ACTN1: variants seen among roughly 807,000 people sequenced by gnomAD.
The protein encoded by ACTN1 is actinin alpha 1.
A neutral mutation model predicts 119.6 loss-of-function variants in ACTN1; 30 were observed. That is an observed-to-expected ratio of 0.25 (90% CI 0.19 to 0.34). The LOEUF (loss-of-function observed/expected upper bound fraction) is 0.34. ACTN1 is among the 10% of genes least tolerant of loss of function. ACTN1 has a pLI of 1.00. For missense variants in ACTN1, 764 were observed against 1,223.4 expected (o/e 0.62, Z 5.60); for synonymous variants, 429 against 472.6 (o/e 0.91, Z 1.20).
intron 8 of ACTN1, among the ~76,000 whole-genome samples, chr14:68,898,170 C>T (rs1271680343): frequency 1.3e-5 from 2 of 152,182 alleles, no homozygotes; most frequent in Non-Finnish European, 2.9e-5. Context: ...TCTCTCAGAT[C>T]GAGTCCAAGC....
chr14:68,936,555 G>A, intron 1 of ACTN1: 2 of 460,550 alleles, frequency 4.3e-6, no homozygotes, highest in Non-Finnish European at 8.3e-6. Flanking sequence ...GGGGGTGGCG[G>A]GAGGAACTGT....
intron 1 of ACTN1, among the ~76,000 whole-genome samples, chr14:68,927,306 C>T (rs1017246953): frequency 4.6e-5 from 7 of 152,204 alleles, no homozygotes; most frequent in African/African-American, 9.7e-5. Flanking sequence ...CCATAGCACC[C>T]TGCATTCACC....
intron 1 of ACTN1, among the ~76,000 whole-genome samples, chr14:68,946,554 TGAG>T (rs1372318816): frequency 1.3e-5 from 2 of 152,186 alleles, no homozygotes; most frequent in Non-Finnish European, 2.9e-5. Flanking sequence ...CCAGCAGCCC[TGAG>T]GAGGAGTCCC....
intron 1 of ACTN1, among the ~76,000 whole-genome samples, chr14:68,944,761 G>A (rs995773216): frequency 3.3e-5 from 5 of 152,136 alleles, no homozygotes; most frequent in African/African-American, 1.2e-4. Flanking sequence ...ATGTGAAGGG[G>A]GCCCACATAA....
intron 1 of ACTN1, among the ~76,000 whole-genome samples, chr14:68,953,015 G>A (rs1049921818): frequency 1.3e-5 from 2 of 152,124 alleles, no homozygotes; most frequent in Admixed American, 1.3e-4. Context: ...CCATCCCTAG[G>A]GGCATCTGCC....
Position 68,878,681 on chromosome 14 carries a change from C to A in ACTN1, c.2362-158G>T, listed in dbSNP as rs762451916. 1.9e-6 allele frequency: 3 copies of A among 1,540,022 alleles called. No homozygotes were observed. Among genetic ancestry groups the A allele is most frequent in the African/African-American group, 1.4e-5 (1 of 73,112 alleles). ...AGGTAAAGGAACATAGGAGAAGATG[C>A]GAACACACATCGGTGGAAATGTCCA... On this transcript the variant is annotated intron_variant, in intron 19 of 21. Coordinates refer to ENST00000394419, the MANE Select transcript of ACTN1 (RefSeq NM_001130004.2). This position sits in a 1 kb window ranked among gnomAD's most constrained non-coding sequence, Gnocchi z 4.4.
In ACTN1 at chr14:68,892,179, C is replaced by G. The variant is rs2032542431; in HGVS notation, c.960G>C (p.Arg320=). ...QQKLEDFRDY[R]RLHKPPKVQE... The stretch of plus-strand genomic sequence containing the variant: ...GCACCTTGGGCGGCTTGTGCAGGCG[C>G]CGGTAGTCCCGGAAGTCCTCCAGCT... Residue 320 remains arginine, a synonymous_variant, in exon 10 of 22, where the codon CGG becomes CGC. Coordinates refer to ENST00000394419, the MANE Select transcript of ACTN1 (RefSeq NM_001130004.2). 6.2e-7 allele frequency: 1 copy of G among 1,614,088 alleles called. No homozygotes were observed. Among genetic ancestry groups the G allele is most frequent in the African/African-American group, 1.3e-5 (1 of 74,932 alleles).
chr14:68,941,258 CAAACTTGAATATGT>C (rs1161548609), intron 1 of ACTN1, among the ~76,000 whole-genome samples: 1 of 152,210 alleles, frequency 6.6e-6, no homozygotes, highest in Non-Finnish European at 1.5e-5. Flanking sequence ...CGGTGGTTCT[CAAACTTGAATATGT>C]AAACTTGAAC....
In ACTN1 at chr14:68,908,170, C is replaced by T. The variant is rs538541107; in HGVS notation, c.594+1148G>A. 2.2e-4 allele frequency among the ~76,000 whole-genome samples: 8 copies of T among 36,636 alleles called. No individual in the cohort carries two copies. The Admixed American group carries it at 2.2e-3, about 10-fold the overall frequency. The allele number at this position is 36,636 out of a possible 152,430, so 24.0% of individuals were successfully genotyped here. On this transcript the variant is annotated intron_variant, in intron 6 of 21. Transcript: ENST00000394419. The stretch of plus-strand genomic sequence containing the variant: ...GGCCTCAGCCTCAAGCTTCAGGTGA[C>T]GGGGCAGTGTGTATGGGGTGGGGGT...
chr14:68,933,417 T>C (rs2035327388), intron 1 of ACTN1, among the ~76,000 whole-genome samples: 1 of 152,174 alleles, frequency 6.6e-6, no homozygotes, highest in Non-Finnish European at 1.5e-5. Context: ...ATTACAGGCA[T>C]GAGCCACCAC....
chr14:68,936,789 G>T, intron 1 of ACTN1: 1 of 610,388 alleles, frequency 1.6e-6, no homozygotes, highest in South Asian at 1.4e-5. Flanking sequence ...ATGGCTGAAG[G>T]ACACTTGTGG....
chr14:68,909,202 G>T lies in ACTN1; in HGVS notation c.594+116C>A. The T allele has an allele frequency of 9.8e-7, 1 of 1,019,750 alleles. No homozygotes were observed. Among genetic ancestry groups the T allele is most frequent in the South Asian group, 1.4e-5 (1 of 71,366 alleles). 63.2% of individuals were successfully genotyped at this position (1,019,750 alleles called of 1,614,324 possible). A position where few individuals can be genotyped will look rare whatever the true frequency, so the allele number is the denominator to read the frequency against. Reference sequence around the variant, plus strand: ...TTGGGGCTCTGTCTGGCTATTCTAAGAGGCCAACACTGCTCAGGCTGGACC... The same window carrying T: ...TTGGGGCTCTGTCTGGCTATTCTAATAGGCCAACACTGCTCAGGCTGGACC... On this transcript the variant is annotated intron_variant, in intron 6 of 21. Coordinates refer to ENST00000394419, the MANE Select transcript of ACTN1 (RefSeq NM_001130004.2). The surrounding 1 kb of genome is among the most constrained non-coding windows in gnomAD (Gnocchi z 4.1).
Position 68,893,763 on chromosome 14 carries a change from A to G in ACTN1, c.763-16T>C. 1 of 1,612,944 alleles carries G rather than the reference A, an allele frequency of 6.2e-7. No individual in the cohort carries two copies. Among genetic ancestry groups the G allele is most frequent in the Non-Finnish European group, 8.5e-7 (1 of 1,179,752 alleles). On this transcript the variant is annotated splice_polypyrimidine_tract_variant and intron_variant, in intron 8 of 21. Coordinates refer to ENST00000394419, the MANE Select transcript of ACTN1 (RefSeq NM_001130004.2). The stretch of plus-strand genomic sequence containing the variant: ...CTGTCTCCGCCTGGCAACAAGACAG[A>G]GAGAGTCACGACCAGCCAGCCCCAG...
At chr14:68,954,871 A>G (rs2036300562) in intron 1 of ACTN1, among the ~76,000 whole-genome samples, 3 of 152,186 alleles carry the variant, frequency 2.0e-5, no homozygotes, top group African/African-American at 2.4e-5. Flanking sequence ...ATTGTTCCTC[A>G]GCTAAGTTGC....
intron 7 of ACTN1, among the ~76,000 whole-genome samples, 165 bp from the exon 8 acceptor site, chr14:68,902,727 T>C (rs1160266869): frequency 6.6e-6 from 1 of 152,008 alleles, no homozygotes; most frequent in East Asian, 1.9e-4. Flanking sequence ...GGAATGTAAG[T>C]AGAGGAACAG....
Position 68,879,774 on chromosome 14 carries a change from T to C in ACTN1, c.2280+188A>G, listed in dbSNP as rs1266894098. On this transcript the variant is annotated intron_variant, in intron 18 of 21. Coordinates refer to ENST00000394419, the MANE Select transcript of ACTN1 (RefSeq NM_001130004.2). The surrounding 1 kb of genome is among the most constrained non-coding windows in gnomAD (Gnocchi z 4.9). ...CTCTCCCGGAAAGCAGGGAAGCTTATGGGGCACCAACACAGGTTTTCCAAG... is the reference window on the plus strand; with the variant it reads ...CTCTCCCGGAAAGCAGGGAAGCTTACGGGGCACCAACACAGGTTTTCCAAG... 1.1e-5 allele frequency: 8 copies of C among 709,244 alleles called. No homozygotes were observed. Among genetic ancestry groups the C allele is most frequent in the Non-Finnish European group, 1.8e-5 (8 of 442,044 alleles). 43.9% of individuals were successfully genotyped at this position (709,244 alleles called of 1,614,324 possible).
intron 1 of ACTN1, among the ~76,000 whole-genome samples, chr14:68,963,862 G>C (rs888574508): frequency 6.6e-6 from 1 of 152,036 alleles, no homozygotes; most frequent in African/African-American, 2.4e-5. Context: ...CTGAGTAATG[G>C]GTATATGGGA....
Position 68,880,933 on chromosome 14 carries a change from G to T in ACTN1, c.2010C>A (p.His670Gln), listed in dbSNP as rs2031450132. The T allele has an allele frequency of 6.2e-7, 1 of 1,614,004 alleles. No individual in the cohort carries two copies. The highest frequency in any genetic ancestry group is 1.7e-5 in the Admixed American group (1 of 60,008). Residue 670 changes from histidine (H) to glutamine (Q), a missense_variant, in exon 17 of 22, where the codon CAC becomes CAA. Around this residue, in one of 4 missense-constraint regions of ACTN1, gnomAD observed 544 missense variants for 912.0 expected, o/e 0.60. Transcript: ENST00000394419. The surrounding 1 kb of genome is among the most constrained non-coding windows in gnomAD (Gnocchi z 4.6). ...MHGTLEDQLS[H>Q]LRQYEKSIVN... is the part of the protein sequence containing the mutation. ...CGATGCTCTTCTCATACTGCCGCAGGTGGCTGAGCTGGTCCTCCAGGGTCC... is the reference window on the plus strand; with the variant it reads ...CGATGCTCTTCTCATACTGCCGCAGTTGGCTGAGCTGGTCCTCCAGGGTCC...
chr14:68,946,119 C>T (rs140125538), intron 1 of ACTN1, among the ~76,000 whole-genome samples: 6 of 152,202 alleles, frequency 3.9e-5, no homozygotes, highest in Non-Finnish European at 7.4e-5. Flanking sequence ...AGCAGGTCAC[C>T]GTGCCCCGGC....
Sources: gnomAD v4.1 joint callset for allele counts (sites outside exome capture counted in the v4.1 genomes callset) on GRCh38, gnomAD v4.1.1 for gene constraint, gnomAD v4.1.1 regional missense constraint, Gnocchi (gnomAD v3.1) non-coding constraint, MANE v1.5 for transcripts, NCBI Gene and HGNC (gene_info 2026-07-23, HGNC 2026-07-21) for gene names.